The following SGCG variants were observed in gnomAD, a reference collection of about 807,000 sequenced individuals.
SGCG encodes gamma-sarcoglycan.
In SGCG, 26 loss-of-function variants were observed where a neutral mutation model predicts 29.3. The ratio of observed to expected loss-of-function variants is 0.89; its 90% CI spans 0.65 to 1.23. SGCG has a LOEUF of 1.23. Ranked by LOEUF, SGCG falls within the 50% of genes most tolerant of loss-of-function variation. The probability of loss-of-function intolerance (pLI) is 0.00; values close to 1 mark genes in which losing one functional copy is unlikely to be tolerated. For missense variants in SGCG, 353 were observed against 356.0 expected, an observed-to-expected ratio of 0.99 and a Z score of 0.07; for synonymous variants, 145 against 129.7, an observed-to-expected ratio of 1.12 and a Z score of -0.80.
In SGCG at chr13:23,188,974, G is replaced by C. The variant is rs543207575; in HGVS notation, c.-1+7899G>C. Among the ~76,000 whole-genome samples, 28 of 152,310 alleles carry C rather than the reference G, an allele frequency of 1.8e-4. No individual in the cohort carries two copies. In the South Asian group the frequency reaches 5.6e-3, roughly 30 times the overall value. On this transcript the variant is annotated intron_variant, in intron 1 of 7. Transcript: ENST00000218867. ...GATACCTCTGGTTTTCTAGAGGCCA[G>C]ATTGGTGAATTAAATGGGAATATGG...
At chr13:23,198,845 CAAAA>C (rs34460964) in intron 1 of SGCG, among the ~76,000 whole-genome samples, 19 of 111,454 alleles carry the variant, frequency 1.7e-4, no homozygotes, top group South Asian at 1.1e-3. Context: ...GACTCCATCT[CAAAA>C]AAAAAAAAAA....
intron 4 of SGCG, chr13:23,267,894 G>A (rs1253615616): frequency 6.6e-6 from 1 of 152,276 alleles, no homozygotes; most frequent in African/African-American, 2.4e-5. Context: ...TTCCAGCGTA[G>A]ATGCCACAGG....
chr13:23,195,532 G>T (rs1024893906), intron 1 of SGCG, among the ~76,000 whole-genome samples: 4 of 151,420 alleles, frequency 2.6e-5, no homozygotes, highest in African/African-American at 9.7e-5. Flanking sequence ...CTCTTTTCAG[G>T]TCTGTTAGAT....
intron 4 of SGCG, among the ~76,000 whole-genome samples, chr13:23,272,468 C>T (rs938988087): frequency 1.3e-5 from 2 of 152,112 alleles, no homozygotes; most frequent in African/African-American, 4.8e-5. Context: ...CACTTAAAGT[C>T]AATCTTGCAT....
chr13:23,321,047 C>T lies in SGCG; in HGVS notation c.702+287C>T, dbSNP rs183437224. Among the ~76,000 whole-genome samples the T allele has an allele frequency of 4.1e-3, 617 of 152,106 alleles. 4 individuals carry two copies. Among genetic ancestry groups the T allele is most frequent in the African/African-American group, 0.015 (604 of 41,484 alleles). On this transcript the variant is annotated intron_variant, in intron 7 of 7. Transcript: ENST00000218867. The stretch of plus-strand genomic sequence containing the variant: ...ATTTTCAAGTCGGAAAAAAAAAACA[C>T]TACAGACGTTCACAGTTTACAGAGA...
intron 3 of SGCG, among the ~76,000 whole-genome samples, chr13:23,235,118 C>G (rs991403866): frequency 3.9e-5 from 6 of 152,140 alleles, no homozygotes; most frequent in African/African-American, 1.4e-4. Context: ...CCTGTAATCC[C>G]AGCACTTTGG....
intron 5 of SGCG, among the ~76,000 whole-genome samples, chr13:23,292,653 A>G (rs1881760546): frequency 6.9e-6 from 1 of 145,118 alleles, no homozygotes. Context: ...TTTCTCAGTC[A>G]TAATATCATC....
At chr13:23,258,675 G>A (rs1880298560) in intron 4 of SGCG, among the ~76,000 whole-genome samples, 1 of 152,072 alleles carries the variant, frequency 6.6e-6, no homozygotes, top group Non-Finnish European at 1.5e-5. Flanking sequence ...TATGATATTG[G>A]CTGTGGGTTT....
At chr13:23,298,489 A>G (rs1343881101) in intron 6 of SGCG, among the ~76,000 whole-genome samples, 1 of 152,236 alleles carries the variant, frequency 6.6e-6, no homozygotes, top group Non-Finnish European at 1.5e-5. Flanking sequence ...TAGGAGTTCA[A>G]TTTATCTTAC....
At chr13:23,299,147 G>C (rs1882019722) in intron 6 of SGCG, among the ~76,000 whole-genome samples, 1 of 151,830 alleles carries the variant, frequency 6.6e-6, no homozygotes, top group African/African-American at 2.4e-5. Flanking sequence ...AAACTAAAAA[G>C]GTAGCCACTC....
the SGCG span, among the ~76,000 whole-genome samples, chr13:23,174,174 C>A: frequency 2.6e-5 from 4 of 152,116 alleles, no homozygotes; most frequent in African/African-American, 9.7e-5. Context: ...GAGTGAAGGT[C>A]CAGAGAACAA....
At chr13:23,202,374 A>G (rs940959311) in intron 1 of SGCG, among the ~76,000 whole-genome samples, 1 of 152,216 alleles carries the variant, frequency 6.6e-6, no homozygotes, top group South Asian at 2.1e-4. Flanking sequence ...CATTCAGAGT[A>G]ACCTAAACTA....
At chr13:23,316,142 GC>G (rs1882800750) in intron 6 of SGCG, among the ~76,000 whole-genome samples, 1 of 152,166 alleles carries the variant, frequency 6.6e-6, no homozygotes, top group Non-Finnish European at 1.5e-5. Context: ...CCAACACTGA[GC>G]CCTTGATATG....
At position 23,240,445 on chromosome 13, in the gene SGCG, T is replaced by C. The variant is rs183516209; in HGVS notation, c.297+5733T>C. Among the ~76,000 whole-genome samples, 495 of 152,292 alleles carry C rather than the reference T, an allele frequency of 3.3e-3. 3 individuals are homozygous for C. The highest frequency in any genetic ancestry group is 0.011 in the African/African-American group (465 of 41,580). On this transcript the variant is annotated intron_variant, in intron 3 of 7. Transcript: ENST00000218867. Reference sequence around the variant, plus strand: ...ATATAGAAACAGTAAGCATATAGACTTGAACAATGCTATCAACCAACTTGA... The same window carrying C: ...ATATAGAAACAGTAAGCATATAGACCTGAACAATGCTATCAACCAACTTGA...
intron 3 of SGCG, among the ~76,000 whole-genome samples, chr13:23,242,062 A>C (rs1879534489): frequency 1.3e-5 from 2 of 152,344 alleles, no homozygotes; most frequent in South Asian, 2.1e-4. Context: ...AGAGGGCACA[A>C]ATTATCAATA....
At chr13:23,271,175 A>G (rs972465032) in intron 4 of SGCG, among the ~76,000 whole-genome samples, 15 of 152,128 alleles carry the variant, frequency 9.9e-5, no homozygotes, top group South Asian at 2.1e-4. Context: ...TCACGCCACT[A>G]CACTCCAACC....
chr13:23,198,098 A>AAC (rs1877583994), intron 1 of SGCG, among the ~76,000 whole-genome samples: 1 of 152,248 alleles, frequency 6.6e-6, no homozygotes, highest in Non-Finnish European at 1.5e-5. Context: ...ACTTCGAACT[A>AAC]TTATAACTCA....
At chr13:23,233,092 C>T (rs1252046818) in intron 2 of SGCG, among the ~76,000 whole-genome samples, 2 of 152,104 alleles carry the variant, frequency 1.3e-5, no homozygotes, top group Non-Finnish European at 2.9e-5. Context: ...GAAAACAGGG[C>T]ATCAAAGAGA....
chr13:23,248,820 G>C (rs556510213), intron 3 of SGCG, among the ~76,000 whole-genome samples: 1 of 151,518 alleles, frequency 6.6e-6, no homozygotes, highest in Non-Finnish European at 1.5e-5. Context: ...GTGAAACCCC[G>C]TCTCTACTAA....
Sources: gnomAD v4.1 joint callset for allele counts (sites outside exome capture counted in the v4.1 genomes callset) on GRCh38, gnomAD v4.1.1 for gene constraint, MANE v1.5 for transcripts, NCBI Gene and HGNC (gene_info 2026-07-23, HGNC 2026-07-21) for gene names.